Variants in PGBD5 observed in about 807,000 individuals in gnomAD.
PGBD5 encodes piggyBac transposable element-derived protein 5.
In PGBD5, 14 loss-of-function variants were observed where a neutral mutation model predicts 47.9. That is an observed-to-expected ratio of 0.29 (90% CI 0.19 to 0.46). The LOEUF (loss-of-function observed/expected upper bound fraction) is 0.46. PGBD5 is among the 20% of genes least tolerant of loss of function. PGBD5 has a pLI of 1.00. For synonymous variants in PGBD5, 316 were observed against 306.3 expected, an observed-to-expected ratio of 1.03 and a Z score of -0.33; for missense variants, 635 against 716.0, an observed-to-expected ratio of 0.89 and a Z score of 1.29.
intron 1 of PGBD5, among the ~76,000 whole-genome samples, chr1:230,365,612 T>C (rs1667816367): frequency 6.6e-6 from 1 of 152,190 alleles, no homozygotes; most frequent in Admixed American, 6.5e-5. Flanking sequence ...AGTGCTCTGC[T>C]AGGCAGAGGT....
intron 2 of PGBD5, among the ~76,000 whole-genome samples, chr1:230,354,256 T>C (rs1558197408): frequency 6.6e-6 from 1 of 152,192 alleles, no homozygotes; most frequent in Non-Finnish European, 1.5e-5. Flanking sequence ...AGTCAGACCC[T>C]TTGACTCTCC....
At chr1:230,391,946 C>A (rs1255714323) in intron 1 of PGBD5, among the ~76,000 whole-genome samples, 1 of 152,088 alleles carries the variant, frequency 6.6e-6, no homozygotes, top group African/African-American at 2.4e-5. Flanking sequence ...CCAAAGGGAG[C>A]CCGACACAGG....
At chr1:230,371,566 T>C (rs1667929568) in intron 1 of PGBD5, among the ~76,000 whole-genome samples, 1 of 152,208 alleles carries the variant, frequency 6.6e-6, no homozygotes. Context: ...AGTTGTTTTG[T>C]TCCCAGTAAA....
intron 1 of PGBD5, among the ~76,000 whole-genome samples, chr1:230,401,302 C>G (rs1657132524): frequency 1.3e-5 from 2 of 152,246 alleles, no homozygotes; most frequent in Admixed American, 1.3e-4. Context: ...ACAGGTGGCG[C>G]TCATGGCGGG....
chr1:230,425,824 C>A lies in PGBD5; in HGVS notation c.105G>T (p.Glu35Asp). The A allele has an allele frequency of 5.8e-6, 7 of 1,207,730 alleles. No individual in the cohort carries two copies. Among genetic ancestry groups the A allele is most frequent in the Non-Finnish European group, 7.2e-6 (7 of 972,614 alleles). The allele number at this position is 1,207,730 out of a possible 1,614,324, so 74.8% of individuals were successfully genotyped here. ...SLHISDDVFG[E>D]SGPDSGGNPF... Reference sequence around the variant, plus strand: ...GGTTCCCGCCGCTGTCCGGGCCGGACTCGCCGAACACGTCGTCCGAGATGT... The same window carrying A: ...GGTTCCCGCCGCTGTCCGGGCCGGAATCGCCGAACACGTCGTCCGAGATGT... Residue 35 changes from glutamate (E) to aspartate (D), a missense_variant, in exon 1 of 7, where the codon GAG becomes GAT. By Grantham distance (45) the Glu-to-Asp change is conservative. Transcript: ENST00000391860. The surrounding 1 kb of genome is among the most constrained non-coding windows in gnomAD (Gnocchi z 4.7).
At chr1:230,356,336 C>A (rs966657287) in intron 2 of PGBD5, among the ~76,000 whole-genome samples, 1 of 152,132 alleles carries the variant, frequency 6.6e-6, no homozygotes, top group African/African-American at 2.4e-5. Flanking sequence ...TAGGCAGAAC[C>A]TTTTCTTCTG....
chr1:230,425,518 T>C lies in PGBD5; in HGVS notation c.331+80A>G. 1 of 1,074,238 alleles carries C rather than the reference T, an allele frequency of 9.3e-7. No individual in the cohort carries two copies. Among genetic ancestry groups the C allele is most frequent in the Non-Finnish European group, 1.2e-6 (1 of 851,626 alleles). 66.5% of individuals were successfully genotyped at this position (1,074,238 alleles called of 1,614,324 possible). ...AAGCCAGCCCACGGAGAGTCTGGAC[T>C]CGCCCGCCCCAGCACCCACGCCTCC... On this transcript the variant is annotated intron_variant, in intron 1 of 6. Coordinates refer to ENST00000391860, the MANE Select transcript of PGBD5 (RefSeq NM_001258311.2). The surrounding 1 kb of genome is among the most constrained non-coding windows in gnomAD (Gnocchi z 4.7).
At chr1:230,402,739 T>G (rs547758807) in intron 1 of PGBD5, among the ~76,000 whole-genome samples, 1 of 152,206 alleles carries the variant, frequency 6.6e-6, no homozygotes, top group Non-Finnish European at 1.5e-5. Context: ...CCTTCCACCT[T>G]GGCCTTCCAA....
At chr1:230,412,546 A>G (rs950773650) in intron 1 of PGBD5, among the ~76,000 whole-genome samples, 10 of 151,658 alleles carry the variant, frequency 6.6e-5, no homozygotes, top group African/African-American at 2.4e-4. Context: ...CCACCACCAC[A>G]CCTGGCTAAT....
chr1:230,354,425 T>C (rs1667603866), intron 2 of PGBD5, among the ~76,000 whole-genome samples: 1 of 152,104 alleles, frequency 6.6e-6, no homozygotes, highest in Non-Finnish European at 1.5e-5. Flanking sequence ...TTCTGGCTTG[T>C]TCAGCCAAGT....
At position 230,317,083 on chromosome 1, in the gene PGBD5, G is replaced by A. The variant is rs953245997; in HGVS notation, c.*6342C>T. 1 of 152,286 alleles carries A rather than the reference G, an allele frequency of 6.6e-6. No individual in the cohort carries two copies. Among genetic ancestry groups the A allele is most frequent in the Non-Finnish European group, 1.5e-5 (1 of 68,106 alleles). 9.4% of individuals were successfully genotyped at this position (152,286 alleles called of 1,614,324 possible). On this transcript the variant is annotated 3_prime_UTR_variant, in exon 7 of 7. Transcript: ENST00000391860. ...GGGGTTGCTGAGTCCAGCAGCAATG[G>A]TGACTGCCACCTCCCCCACACGGGG...
At chr1:230,367,767 G>C (rs1023025987) in intron 1 of PGBD5, among the ~76,000 whole-genome samples, 4 of 152,098 alleles carry the variant, frequency 2.6e-5, no homozygotes, top group Non-Finnish European at 5.9e-5. Flanking sequence ...CAATGTCCTT[G>C]ACAGAAAAAA....
intron 1 of PGBD5, among the ~76,000 whole-genome samples, chr1:230,405,770 T>G (rs1409414455): frequency 6.6e-6 from 1 of 152,256 alleles, no homozygotes; most frequent in Non-Finnish European, 1.5e-5. Flanking sequence ...CCAAACGGTC[T>G]TGGGCCTTCT....
At chr1:230,389,473 G>A (rs1656735449) in intron 1 of PGBD5, among the ~76,000 whole-genome samples, 1 of 152,160 alleles carries the variant, frequency 6.6e-6, no homozygotes, top group Non-Finnish European at 1.5e-5. Context: ...ACGCCCAGCT[G>A]ACATTTTTCT....
intron 2 of PGBD5, among the ~76,000 whole-genome samples, chr1:230,355,198 C>T (rs1052290667): frequency 3.3e-5 from 5 of 152,220 alleles, no homozygotes; most frequent in Non-Finnish European, 7.3e-5. Flanking sequence ...ACTTGCCCAC[C>T]TGCAGTCCAG....
Position 230,425,745 on chromosome 1 carries a change from C to A in PGBD5, c.184G>T (p.Asp62Tyr). ...GGGGGTCCCGGGGGCTCGCGCTCGTCGTCCGAGGAGGCGGCCGAGGAGGAG... is the reference window on the plus strand; with the variant it reads ...GGGGGTCCCGGGGGCTCGCGCTCGTAGTCCGAGGAGGCGGCCGAGGAGGAG... The part of the protein sequence containing the change: ...SRSSSAASSD[D>Y]EREPPGPPGA... Residue 62 changes from aspartate to tyrosine, a missense_variant, in exon 1 of 7, where the codon GAC becomes TAC. By Grantham distance (160) the Asp-to-Tyr change is radical. Coordinates refer to ENST00000391860, the MANE Select transcript of PGBD5 (RefSeq NM_001258311.2). This position sits in a 1 kb window ranked among gnomAD's most constrained non-coding sequence, Gnocchi z 4.7. 8.2e-7 allele frequency: 1 copy of A among 1,212,494 alleles called. No individual in the cohort carries two copies. Among genetic ancestry groups the A allele is most frequent in the Non-Finnish European group, 1.0e-6 (1 of 975,640 alleles). 75.1% of individuals were successfully genotyped at this position (1,212,494 alleles called of 1,614,324 possible).
intron 1 of PGBD5, among the ~76,000 whole-genome samples, chr1:230,360,815 T>C (rs1452403215): frequency 2.6e-5 from 4 of 152,156 alleles, no homozygotes; most frequent in East Asian, 3.9e-4. Flanking sequence ...CACAGGACCA[T>C]TGAACAATAT....
chr1:230,409,066 T>A (rs1657360401), intron 1 of PGBD5, among the ~76,000 whole-genome samples: 1 of 152,214 alleles, frequency 6.6e-6, no homozygotes, highest in African/African-American at 2.4e-5. Flanking sequence ...TAGACAGTTC[T>A]CCAAATGGGA....
intron 4 of PGBD5, among the ~76,000 whole-genome samples, chr1:230,336,875 A>T (rs1298089810): frequency 6.6e-6 from 1 of 152,218 alleles, no homozygotes; most frequent in Non-Finnish European, 1.5e-5. Flanking sequence ...TTGCGCCGAC[A>T]TGTCCTCTAG....
Sources: gnomAD v4.1 joint callset for allele counts (sites outside exome capture counted in the v4.1 genomes callset) on GRCh38, gnomAD v4.1.1 for gene constraint, Gnocchi (gnomAD v3.1) non-coding constraint, MANE v1.5 for transcripts, NCBI Gene and HGNC (gene_info 2026-07-23, HGNC 2026-07-21) for gene names.